Variants in PRKN observed in about 807,000 individuals in gnomAD.
PRKN encodes the protein parkin RBR E3 ubiquitin protein ligase.
A neutral mutation model predicts 59.5 loss-of-function variants in PRKN; 56 were observed. That is an observed-to-expected ratio of 0.94 (90% CI 0.76 to 1.18). PRKN has a LOEUF of 1.18. Among genes scored for constraint, PRKN ranks in the 50% most tolerant of loss-of-function variants. The pLI is 0.00. For missense variants in PRKN, 657 were observed against 596.4 expected (o/e 1.10, Z -1.06); for synonymous variants, 250 against 222.1 (o/e 1.13, Z -1.12).
At chr6:161,591,393 A>G (rs1441803206) in intron 7 of PRKN, among the ~76,000 whole-genome samples, 2 of 152,236 alleles carry the variant, frequency 1.3e-5, no homozygotes, top group Non-Finnish European at 2.9e-5. Context: ...AGGAAATGAC[A>G]CTCGAACAGC....
chr6:162,724,903 T>G (rs1779068981), intron 1 of PRKN, among the ~76,000 whole-genome samples: 1 of 152,318 alleles, frequency 6.6e-6, no homozygotes, highest in South Asian at 2.1e-4. Context: ...CAGAGAAGGT[T>G]ATAGGATAAG....
intron 3 of PRKN, among the ~76,000 whole-genome samples, chr6:162,210,107 A>AAATAAAATAAAATAAAAT (rs1785140278): frequency 6.9e-6 from 1 of 144,162 alleles, no homozygotes; most frequent in African/African-American, 2.5e-5. Flanking sequence ...TATAATAATA[A>AAATAAAATAAAATAAAAT]AAAATAAAAT....
At chr6:161,763,021 A>T (rs1465966056) in intron 7 of PRKN, among the ~76,000 whole-genome samples, 1 of 152,194 alleles carries the variant, frequency 6.6e-6, no homozygotes, top group African/African-American at 2.4e-5. Flanking sequence ...AATAGATGAC[A>T]GTTTCTTAAG....
At chr6:161,820,624 A>G (rs1206073739) in intron 6 of PRKN, among the ~76,000 whole-genome samples, 4 of 147,998 alleles carry the variant, frequency 2.7e-5, no homozygotes, top group Non-Finnish European at 4.5e-5. Context: ...ACAGTATACA[A>G]TATGCAAATA....
Position 161,558,591 on chromosome 6 carries a change from C to G in PRKN, c.934-9588G>C, listed in dbSNP as rs147411651. On this transcript the variant is annotated intron_variant, in intron 8 of 11. Coordinates refer to ENST00000366898, the MANE Select transcript of PRKN (RefSeq NM_004562.3). ...AAAAAAAAAAAGAAAATTCAGCTCA[C>G]TATTCCTCTGCCATCTTTTAGAAAC... is the stretch of plus-strand genomic sequence containing the variant. 6.7e-3 allele frequency among the ~76,000 whole-genome samples: 1,015 copies of G among 151,696 alleles called. 18 individuals are homozygous for G. Among genetic ancestry groups the G allele is most frequent in the African/African-American group, 0.023 (971 of 41,378 alleles).
intron 7 of PRKN, among the ~76,000 whole-genome samples, chr6:161,661,572 A>C (rs576759460): frequency 6.8e-6 from 1 of 148,010 alleles, no homozygotes; most frequent in African/African-American, 2.5e-5. Flanking sequence ...TTTTTTCTGT[A>C]GCAAGTGCTG....
chr6:161,421,514 T>C (rs907115170), intron 9 of PRKN, among the ~76,000 whole-genome samples: 1 of 152,100 alleles, frequency 6.6e-6, no homozygotes. Context: ...GGATAGAGAG[T>C]ATGTTGTATC....
At chr6:162,541,992 G>T (rs1273854315) in intron 1 of PRKN, among the ~76,000 whole-genome samples, 1 of 152,016 alleles carries the variant, frequency 6.6e-6, no homozygotes, top group Admixed American at 6.6e-5. Flanking sequence ...TGACTAAAAC[G>T]CAAGGCTGTT....
intron 7 of PRKN, among the ~76,000 whole-genome samples, chr6:161,784,600 G>A (rs1790339136): frequency 6.6e-6 from 1 of 152,186 alleles, no homozygotes; most frequent in African/African-American, 2.4e-5. Context: ...TTACTAGGAT[G>A]ACTAGTTAGA....
intron 4 of PRKN, among the ~76,000 whole-genome samples, chr6:162,156,489 G>T (rs558695077): frequency 2.0e-5 from 3 of 152,302 alleles, no homozygotes; most frequent in Admixed American, 1.3e-4. Context: ...AATCACAGAT[G>T]TAAGAGTCCA....
chr6:161,988,492 A>G (rs1055380786), intron 5 of PRKN, among the ~76,000 whole-genome samples: 1 of 152,082 alleles, frequency 6.6e-6, no homozygotes, highest in Non-Finnish European at 1.5e-5. Context: ...TCTCAAAAAA[A>G]CAAAATAAAA....
At chr6:162,313,615 G>A (rs536744221) in intron 2 of PRKN, among the ~76,000 whole-genome samples, 1 of 152,094 alleles carries the variant, frequency 6.6e-6, no homozygotes, top group East Asian at 1.9e-4. Flanking sequence ...AGCCTCCCAA[G>A]TAGCTGGGAT....
chr6:162,282,592 A>C (rs1467268382), intron 2 of PRKN, among the ~76,000 whole-genome samples: 1 of 152,212 alleles, frequency 6.6e-6, no homozygotes, highest in African/African-American at 2.4e-5. Flanking sequence ...AAACCATGGC[A>C]ACAATCTAAA....
At chr6:161,597,817 G>T (rs1231799852) in intron 7 of PRKN, among the ~76,000 whole-genome samples, 2 of 148,870 alleles carry the variant, frequency 1.3e-5, no homozygotes, top group Non-Finnish European at 3.0e-5. Context: ...TAAAAGGTCT[G>T]TCCTCTGATC....
At chr6:162,619,319 T>TA (rs1306093252) in intron 1 of PRKN, among the ~76,000 whole-genome samples, 6 of 150,738 alleles carry the variant, frequency 4.0e-5, no homozygotes, top group African/African-American at 1.2e-4. Flanking sequence ...ATTTTTAATT[T>TA]TTTTTTTTAG....
At chr6:162,078,852 A>G (rs1778940184) in intron 4 of PRKN, among the ~76,000 whole-genome samples, 1 of 140,604 alleles carries the variant, frequency 7.1e-6, no homozygotes, top group South Asian at 2.4e-4. Context: ...AAGCAAGATT[A>G]TTAATACTTA....
chr6:161,850,106 C>A (rs761240205), intron 6 of PRKN, among the ~76,000 whole-genome samples: 5 of 152,110 alleles, frequency 3.3e-5, no homozygotes, highest in Non-Finnish European at 5.9e-5. Context: ...GCTATGGCGT[C>A]ACAGGTACTG....
chr6:162,080,932 T>A (rs1330695106), intron 4 of PRKN, among the ~76,000 whole-genome samples: 1 of 152,130 alleles, frequency 6.6e-6, no homozygotes, highest in Non-Finnish European at 1.5e-5. Context: ...TTCAACAATG[T>A]TCACAGCACT....
rs543220578 is a variant in PRKN at position 161,813,581 on chromosome 6, CT to C, written c.735-27674del. Among the ~76,000 whole-genome samples the C allele has an allele frequency of 2.5e-3, 382 of 152,336 alleles. 3 individuals are homozygous for C. The highest frequency in any genetic ancestry group is 9.1e-3 in the African/African-American group (379 of 41,564). On this transcript the variant is annotated intron_variant, in intron 6 of 11. Coordinates refer to ENST00000366898, the MANE Select transcript of PRKN (RefSeq NM_004562.3). The stretch of plus-strand genomic sequence containing the variant: ...CACATTTTCTCTCTGCCCCCACCCC[CT>C]ATGCCCATGCCGCATCACCATGACG...
Sources: gnomAD v4.1 joint callset for allele counts (sites outside exome capture counted in the v4.1 genomes callset) on GRCh38, gnomAD v4.1.1 for gene constraint, MANE v1.5 for transcripts, NCBI Gene and HGNC (gene_info 2026-07-23, HGNC 2026-07-21) for gene names.